TMEM167A: variants seen among roughly 807,000 people sequenced by gnomAD.
TMEM167A encodes the protein transmembrane protein 167A.
TMEM167A carries 8 observed loss-of-function variants against 11.6 expected under a neutral mutation model. The ratio of observed to expected loss-of-function variants is 0.69; its 90% CI spans 0.40 to 1.24. The LOEUF (loss-of-function observed/expected upper bound fraction) is 1.24, where lower values mean the gene tolerates loss of function less well. Among genes scored for constraint, TMEM167A ranks in the 50% most tolerant of loss-of-function variants. The pLI, the probability that TMEM167A is intolerant of heterozygous loss-of-function variation, is 0.01. For missense variants in TMEM167A, 62 were observed against 87.0 expected, an observed-to-expected ratio of 0.71 and a Z score of 1.14; for synonymous variants, 22 against 28.0, an observed-to-expected ratio of 0.79 and a Z score of 0.67.
At chr5:83,064,390 C>T (rs1285010850) in intron 2 of TMEM167A, 3 of 510,992 alleles carry the variant, frequency 5.9e-6, no homozygotes, top group Admixed American at 4.0e-5. Context: ...AAGTATTCTA[C>T]TACTATGTAA....
Position 83,063,136 on chromosome 5 carries a change from A to T in TMEM167A, c.114-1225T>A, listed in dbSNP as rs117636645. Reference sequence around the variant, plus strand: ...GACAGGCTAAACAATTTTACCATAGAAATAAAATGACAAAGCCCATATACA... The same window carrying T: ...GACAGGCTAAACAATTTTACCATAGTAATAAAATGACAAAGCCCATATACA... On this transcript the variant is annotated intron_variant, in intron 2 of 3. Coordinates refer to ENST00000502346, the MANE Select transcript of TMEM167A (RefSeq NM_174909.5). Among the ~76,000 whole-genome samples, 203 of 152,244 alleles carry T rather than the reference A, an allele frequency of 1.3e-3. 1 individual carries two copies. The East Asian group carries it at 0.029, about 22-fold the overall frequency.
chr5:83,063,721 G>A (rs1337471893), intron 2 of TMEM167A, among the ~76,000 whole-genome samples: 2 of 151,382 alleles, frequency 1.3e-5, no homozygotes, highest in South Asian at 2.1e-4. Context: ...ACACACACAC[G>A]AACCCTGTTA....
intron 2 of TMEM167A, 64 bp downstream of exon 2, chr5:83,064,944 T>A: frequency 1.1e-6 from 1 of 950,516 alleles, no homozygotes. Context: ...ATAATTTATA[T>A]GTTAACTTAC....
At chr5:83,068,936 T>C (rs561948842) in intron 1 of TMEM167A, among the ~76,000 whole-genome samples, 1 of 152,264 alleles carries the variant, frequency 6.6e-6, no homozygotes, top group South Asian at 2.1e-4. Context: ...GGGTTGATGA[T>C]AAAATGCTGA....
chr5:83,066,982 C>T (rs1744492801), intron 1 of TMEM167A, among the ~76,000 whole-genome samples: 1 of 152,188 alleles, frequency 6.6e-6, no homozygotes, highest in Non-Finnish European at 1.5e-5. Context: ...GAGGGCCAAG[C>T]CCTACTACTC....
chr5:83,060,588 T>C (rs1744393100), intron 3 of TMEM167A, among the ~76,000 whole-genome samples: 2 of 152,058 alleles, frequency 1.3e-5, no homozygotes, highest in South Asian at 4.1e-4. Flanking sequence ...TCCCAGCACT[T>C]TGGGAGGCCG....
intron 1 of TMEM167A, among the ~76,000 whole-genome samples, chr5:83,070,634 G>A (rs1430671010): frequency 6.6e-6 from 1 of 152,128 alleles, no homozygotes; most frequent in African/African-American, 2.4e-5. Context: ...TCAATACAAA[G>A]CTAAGGAAGG....
intron 1 of TMEM167A, among the ~76,000 whole-genome samples, chr5:83,073,070 G>A (rs1744586891): frequency 6.6e-6 from 1 of 152,114 alleles, no homozygotes; most frequent in African/African-American, 2.4e-5. Context: ...GCAATTAATG[G>A]TATTGTTGCA....
chr5:83,077,390 C>T lies in TMEM167A; in HGVS notation c.-67G>A. 3 of 1,612,862 alleles carry T rather than the reference C, an allele frequency of 1.9e-6. No homozygotes were observed. The highest frequency in any genetic ancestry group is 1.7e-6 in the Non-Finnish European group (2 of 1,178,928). On this transcript the variant is annotated 5_prime_UTR_variant, in exon 1 of 4. Transcript: ENST00000502346. ...CTCAGGCGGAAGAGGCTGCATGTCC[C>T]GTCTGCCCTTCTCGCCCTCTCCAGC... is the stretch of plus-strand genomic sequence containing the variant.
chr5:83,062,123 G>A, intron 2 of TMEM167A: 1 of 478,716 alleles, frequency 2.1e-6, no homozygotes, highest in Non-Finnish European at 3.7e-6. Flanking sequence ...TACAGAAACT[G>A]CTATGAAATG....
At chr5:83,068,170 A>T (rs1371084424) in intron 1 of TMEM167A, among the ~76,000 whole-genome samples, 1 of 152,182 alleles carries the variant, frequency 6.6e-6, no homozygotes, top group Non-Finnish European at 1.5e-5. Context: ...ATGACCTCAT[A>T]GAAAATAAAG....
At position 83,077,308 on chromosome 5, in the gene TMEM167A, C is replaced by G. The variant is rs776039170; in HGVS notation, c.3+13G>C. 6.2e-7 allele frequency: 1 copy of G among 1,614,178 alleles called. No individual in the cohort carries two copies. Among genetic ancestry groups the G allele is most frequent in the South Asian group, 1.1e-5 (1 of 91,090 alleles). ...TCGAAGATCAACCGCGACCTGGGAGCCCCACTTCTTACCATAGCGAGGCCG... is the reference window on the plus strand; with the variant it reads ...TCGAAGATCAACCGCGACCTGGGAGGCCCACTTCTTACCATAGCGAGGCCG... On this transcript the variant is annotated intron_variant, in intron 1 of 3. Coordinates refer to ENST00000502346, the MANE Select transcript of TMEM167A (RefSeq NM_174909.5).
intron 1 of TMEM167A, among the ~76,000 whole-genome samples, chr5:83,070,388 T>C (rs1056762549): frequency 6.6e-6 from 1 of 152,282 alleles, no homozygotes; most frequent in South Asian, 2.1e-4. Flanking sequence ...ATTGTAGACT[T>C]ATCTGACAAC....
intron 3 of TMEM167A, among the ~76,000 whole-genome samples, chr5:83,059,074 C>A (rs928389952): frequency 6.6e-6 from 1 of 150,486 alleles, no homozygotes; most frequent in African/African-American, 2.5e-5. Context: ...AATGCTTTCA[C>A]AGAATTGGCA....
chr5:83,073,767 T>C (rs1054860526), intron 1 of TMEM167A, among the ~76,000 whole-genome samples: 5 of 152,238 alleles, frequency 3.3e-5, no homozygotes, highest in Non-Finnish European at 5.9e-5. Context: ...ATGGAGTTTC[T>C]TCCTCATACA....
intron 1 of TMEM167A, among the ~76,000 whole-genome samples, chr5:83,070,500 T>C (rs962432649): frequency 1.3e-5 from 2 of 152,194 alleles, no homozygotes; most frequent in Non-Finnish European, 2.9e-5. Flanking sequence ...TCAGTTACTT[T>C]ATTTGATCAT....
intron 1 of TMEM167A, 45 bp from the exon 2 acceptor site, chr5:83,065,162 G>T: frequency 8.1e-7 from 1 of 1,231,540 alleles, no homozygotes; most frequent in East Asian, 2.4e-5. Flanking sequence ...AAGAAAAACT[G>T]CATAGGTAAA....
At chr5:83,059,457 A>G (rs1158686522) in intron 3 of TMEM167A, among the ~76,000 whole-genome samples, 2 of 148,012 alleles carry the variant, frequency 1.4e-5, no homozygotes, top group Non-Finnish European at 2.9e-5. Context: ...CTGCTCTTCC[A>G]TTATGTTCTC....
intron 1 of TMEM167A, among the ~76,000 whole-genome samples, chr5:83,068,693 G>A (rs1340001114): frequency 1.3e-5 from 2 of 152,134 alleles, no homozygotes; most frequent in East Asian, 1.9e-4. Flanking sequence ...CACGTTCAGG[G>A]AATAATGAGA....
Sources: allele counts gnomAD v4.1 joint callset (sites outside exome capture counted in the v4.1 genomes callset), GRCh38; gene constraint gnomAD v4.1.1; transcripts MANE v1.5; gene names NCBI Gene and HGNC (gene_info 2026-07-23, HGNC 2026-07-21).